Variants in CHRD observed in about 807,000 individuals in gnomAD.
The protein encoded by CHRD is chordin.
A neutral mutation model predicts 113.7 loss-of-function variants in CHRD; 69 were observed. That is an observed-to-expected ratio of 0.61 (90% CI 0.50 to 0.74). The LOEUF (loss-of-function observed/expected upper bound fraction) is 0.74. Ranked by LOEUF, CHRD falls within the 30% of genes least tolerant of loss-of-function variation. The probability of loss-of-function intolerance (pLI) is 0.00; values close to 1 mark genes in which losing one functional copy is unlikely to be tolerated. For missense variants in CHRD, 1,194 were observed against 1,295.8 expected (o/e 0.92, Z 1.21); for synonymous variants, 561 against 540.8 (o/e 1.04, Z -0.52).
In CHRD at chr3:184,380,335, C is replaced by T. The variant is rs1165639405; in HGVS notation, c.17C>T (p.Ala6Val). Residue 6 changes from alanine (A) to valine (V), a missense_variant, in exon 1 of 23, where the codon GCC (alanine) becomes GTC (valine). Transcript: ENST00000204604. This position sits in a 1 kb window ranked among gnomAD's most constrained non-coding sequence, Gnocchi z 6.3. ...GTTCGCGTCATGCCGAGCCTCCCGG[C>T]CCCGCCGGCCCCGCTGCTGCTCCTC... 1 of 1,346,056 alleles carries T rather than the reference C, an allele frequency of 7.4e-7. No homozygotes were observed. The highest frequency in any genetic ancestry group is 1.5e-5 in the South Asian group (1 of 67,428). The allele number at this position is 1,346,056 out of a possible 1,614,324, so 83.4% of individuals were successfully genotyped here.
chr3:184,388,054 C>A lies in CHRD; in HGVS notation c.2554+21C>A. Reference sequence around the variant, plus strand: ...TCCAGGTGAGAGAGGTGGCTGAGCACTGAGGCCTCACCTTTGGGTTGAGGC... The same window carrying A: ...TCCAGGTGAGAGAGGTGGCTGAGCAATGAGGCCTCACCTTTGGGTTGAGGC... On this transcript the variant is annotated intron_variant, in intron 20 of 22. Coordinates refer to ENST00000204604, the Ensembl canonical transcript of CHRD. This position sits in a 1 kb window ranked among gnomAD's most constrained non-coding sequence, Gnocchi z 6.1. 6.2e-7 allele frequency: 1 copy of A among 1,604,510 alleles called. No individual in the cohort carries two copies. Among genetic ancestry groups the A allele is most frequent in the Non-Finnish European group, 8.5e-7 (1 of 1,174,222 alleles).
At chr3:184,386,928 T>C (rs1257031651) in exon 17 of CHRD, 1 of 1,614,054 alleles carries the variant, frequency 6.2e-7, no homozygotes, top group African/African-American at 1.3e-5. Flanking sequence ...AGTGCTGCCC[T>C]GTTTGCCCTG....
chr3:184,388,948 C>T lies in CHRD; in HGVS notation c.2765C>T (p.Ser922Leu), dbSNP rs139248428. 1.3e-5 allele frequency: 21 copies of T among 1,612,816 alleles called. No individual in the cohort carries two copies. The highest frequency in any genetic ancestry group is 1.1e-4 in the African/African-American group (8 of 74,900). The change falls in exon 22 of 23, where the codon TCG (serine) becomes TTG (leucine). Residue 922 changes from serine to leucine, a missense_variant. Transcript: ENST00000204604. The surrounding 1 kb of genome is among the most constrained non-coding windows in gnomAD (Gnocchi z 6.1). Reference sequence around the variant, plus strand: ...TGTTCACTGCCACTGTCCTGTGGCTCGGGGAAGGAGAGTCGATGCTGTTCC... The same window carrying T: ...TGTTCACTGCCACTGTCCTGTGGCTTGGGGAAGGAGAGTCGATGCTGTTCC...
chr3:184,385,933 C>T, intron 14 of CHRD, 113 bp from the exon 15 acceptor site: 4 of 1,087,570 alleles, frequency 3.7e-6, no homozygotes, highest in East Asian at 2.4e-5. Context: ...GCTTTGCTAC[C>T]ATGAAGACTT....
Position 184,387,802 on chromosome 3 carries a change from A to G in CHRD, c.2452-129A>G, listed in dbSNP as rs536677416. On this transcript the variant is annotated intron_variant, in intron 19 of 22. Transcript: ENST00000204604. The surrounding 1 kb of genome is among the most constrained non-coding windows in gnomAD (Gnocchi z 6.1). ...GATGAGGAGCTGAGTTTAGGTCTAT[A>G]AAGCCAGTCCGGGCCTCTGAGTAAA... is the stretch of plus-strand genomic sequence containing the variant. 25 of 837,112 alleles carry G rather than the reference A, an allele frequency of 3.0e-5. No individual in the cohort carries two copies. The Admixed American group carries it at 5.2e-4, about 17-fold the overall frequency. The allele number at this position is 837,112 out of a possible 1,614,324, so 51.9% of individuals were successfully genotyped here. A position where few individuals can be genotyped will look rare whatever the true frequency, so the allele number is the denominator to read the frequency against.
chr3:184,386,817 C>A, intron 16 of CHRD, 28 bp from the exon 17 acceptor site: 1 of 1,613,980 alleles, frequency 6.2e-7, no homozygotes, highest in Non-Finnish European at 8.5e-7. Context: ...CTGGACACTC[C>A]CGTCAATGCC....
intron 22 of CHRD, 64 bp from the exon 23 acceptor site, chr3:184,389,303 A>ATGCCTCTCTG: frequency 6.6e-7 from 1 of 1,507,890 alleles, no homozygotes; most frequent in Admixed American, 1.8e-5. Flanking sequence ...CCTGCCCTCT[A>ATGCCTCTCTG]TGCCTCTCTG....
intron 10 of CHRD, 59 bp from the exon 11 acceptor site, chr3:184,383,253 A>C (rs1715755824): frequency 6.3e-7 from 1 of 1,592,806 alleles, no homozygotes; most frequent in Non-Finnish European, 8.6e-7. Flanking sequence ...GATCCTGTGG[A>C]CTGGGGGTGT....
rs1216678209 is a variant in CHRD at position 184,381,318 on chromosome 3, G to T, written c.336G>T (p.Gly112=). Residue 112 remains glycine, a synonymous_variant, in exon 3 of 23, where the codon GGG becomes GGT. Coordinates refer to ENST00000204604, the Ensembl canonical transcript of CHRD. The surrounding 1 kb of genome is among the most constrained non-coding windows in gnomAD (Gnocchi z 4.7). ...CAGAGTGCCCAACCCCGGCCTGTGG[G>T]CAGCCGCGCCAGCTGCCGGGACACT... 6.2e-7 allele frequency: 1 copy of T among 1,608,630 alleles called. No individual in the cohort carries two copies. Among genetic ancestry groups the T allele is most frequent in the Non-Finnish European group, 8.5e-7 (1 of 1,178,140 alleles).
Position 184,381,064 on chromosome 3 carries a change from CCCATT to C in CHRD, c.253-170_253-166del, listed in dbSNP as rs758185914. 1 of 804,728 alleles carries C rather than the reference CCCATT, an allele frequency of 1.2e-6. No individual in the cohort carries two copies. The highest frequency in any genetic ancestry group is 1.7e-5 in the African/African-American group (1 of 59,334). 49.8% of individuals were successfully genotyped at this position (804,728 alleles called of 1,614,324 possible). ...TTGCTAGATAGAGAGTATTATTATC[CCCATT>C]TTCCAGACAGGGACCTTGAGGCCCA... On this transcript the variant is annotated intron_variant, in intron 2 of 22. Transcript: ENST00000204604. The surrounding 1 kb of genome is among the most constrained non-coding windows in gnomAD (Gnocchi z 4.7).
In CHRD at chr3:184,387,515, C is replaced by T. The variant is rs775019276; in HGVS notation, c.2451+38C>T. On this transcript the variant is annotated intron_variant, in intron 19 of 22. Coordinates refer to ENST00000204604, the Ensembl canonical transcript of CHRD. This position sits in a 1 kb window ranked among gnomAD's most constrained non-coding sequence, Gnocchi z 6.1. ...AATCTTCTCTGGTGCCATAACCCAG[C>T]GGGGTCTGCAGAGATGGGGAGGGGC... The T allele has an allele frequency of 1.1e-5, 17 of 1,550,404 alleles. No homozygotes were observed. Among genetic ancestry groups the T allele is most frequent in the Admixed American group, 3.8e-5 (2 of 53,156 alleles).
Position 184,384,652 on chromosome 3 carries a change from T to G in CHRD, c.1556T>G (p.Val519Gly). 1.3e-6 allele frequency: 2 copies of G among 1,599,916 alleles called. No individual in the cohort carries two copies. Among genetic ancestry groups the G allele is most frequent in the Non-Finnish European group, 1.7e-6 (2 of 1,172,974 alleles). The change falls in exon 13 of 23, where the codon GTG (valine) becomes GGG (glycine). Residue 519 changes from valine to glycine, a missense_variant. Physicochemically the swap from Val to Gly is moderately radical, Grantham distance 109. Transcript: ENST00000204604. The surrounding 1 kb of genome is among the most constrained non-coding windows in gnomAD (Gnocchi z 4.4). ...CCAGACGGAGAGCTTCGGGGGCACGTGGCTGCCCTGCCCTACTGTGGGCAT... is the reference window on the plus strand; with the variant it reads ...CCAGACGGAGAGCTTCGGGGGCACGGGGCTGCCCTGCCCTACTGTGGGCAT...
rs1272322037 is a variant in CHRD, at chr3:184,388,129, A to T, written c.2554+96A>T. The T allele has an allele frequency of 2.0e-6, 2 of 1,017,608 alleles. No homozygotes were observed. Among genetic ancestry groups the T allele is most frequent in the Admixed American group, 2.0e-5 (1 of 50,318 alleles). 63.0% of individuals were successfully genotyped at this position (1,017,608 alleles called of 1,614,324 possible). A position where few individuals can be genotyped will look rare whatever the true frequency, so the allele number is the denominator to read the frequency against. On this transcript the variant is annotated intron_variant, in intron 20 of 22. Transcript: ENST00000204604. The surrounding 1 kb of genome is among the most constrained non-coding windows in gnomAD (Gnocchi z 6.1). Reference sequence around the variant, plus strand: ...GGGTGCTCAGTTAATTGAGCATTATACTGAGCACTGCTCTGTGCCTAGCCT... The same window carrying T: ...GGGTGCTCAGTTAATTGAGCATTATTCTGAGCACTGCTCTGTGCCTAGCCT...
At chr3:184,385,222 G>A (rs569396672) in exon 14 of CHRD, 42 of 1,613,600 alleles carry the variant, frequency 2.6e-5, no homozygotes, top group Non-Finnish European at 3.4e-5. Flanking sequence ...CTGCTGAAGG[G>A]ATTCTATGGC....
chr3:184,390,193 C>T (rs1465528949), downstream of CHRD: 2 of 27,442 alleles, frequency 7.3e-5, no homozygotes, highest in African/African-American at 2.6e-4. Flanking sequence ...CCTTTCTTTC[C>T]CTCCCCTCCC....
chr3:184,386,741 C>G (rs756604395), exon 16 of CHRD: 2 of 1,613,028 alleles, frequency 1.2e-6, no homozygotes, highest in Non-Finnish European at 1.7e-6. Context: ...GCTCTGCTCA[C>G]TCTGCACCTG....
exon 7 of CHRD, chr3:184,382,448 G>A (rs770561025): frequency 6.2e-7 from 1 of 1,613,996 alleles, no homozygotes; most frequent in Non-Finnish European, 8.5e-7. Context: ...GGGCAGAACA[G>A]CTGCATGTGG....
At chr3:184,389,018 A>C (rs1716814281) in intron 22 of CHRD, 23 bp downstream of exon 22, 1 of 1,542,018 alleles carries the variant, frequency 6.5e-7, no homozygotes, top group African/African-American at 1.4e-5. Flanking sequence ...GTCCAGGGTC[A>C]GCAGCTGTGA....
chr3:184,384,498 G>A lies in CHRD; in HGVS notation c.1441-39G>A, dbSNP rs747310474. 28 of 1,446,606 alleles carry A rather than the reference G, an allele frequency of 1.9e-5. No individual in the cohort carries two copies. Among genetic ancestry groups the A allele is most frequent in the East Asian group, 2.5e-5 (1 of 40,738 alleles). 89.6% of individuals were successfully genotyped at this position (1,446,606 alleles called of 1,614,324 possible). A position where few individuals can be genotyped will look rare whatever the true frequency, so the allele number is the denominator to read the frequency against. On this transcript the variant is annotated intron_variant, in intron 12 of 22. Transcript: ENST00000204604. The surrounding 1 kb of genome is among the most constrained non-coding windows in gnomAD (Gnocchi z 4.4). ...TCCAAGACTTCAGAACCTTGGACTC[G>A]TGTGAGAGCTGAGAAGGCCTATCCT...
Sources: allele counts gnomAD v4.1 joint callset, GRCh38; gene constraint gnomAD v4.1.1; non-coding constraint Gnocchi (gnomAD v3.1); transcripts MANE v1.5; gene names NCBI Gene and HGNC (gene_info 2026-07-23, HGNC 2026-07-21).